The following EHBP1 variants were observed in gnomAD, a reference collection of about 807,000 sequenced individuals.
EHBP1 encodes the protein EH domain-binding protein 1.
In EHBP1, 55 loss-of-function variants were observed where a neutral mutation model predicts 144.0. The ratio of observed to expected loss-of-function variants is 0.38; its 90% confidence interval spans 0.31 to 0.48. The LOEUF is 0.48. Among genes scored for constraint, EHBP1 ranks in the 20% least tolerant of loss-of-function variants. EHBP1 has a pLI of 0.98. For missense variants in EHBP1, 1,200 were observed against 1,364.2 expected, an observed-to-expected ratio of 0.88 and a Z score of 1.90; for synonymous variants, 469 against 472.7, an observed-to-expected ratio of 0.99 and a Z score of 0.10.
chr2:62,894,994 T>A (rs539304896), intron 10 of EHBP1, among the ~76,000 whole-genome samples: 2 of 151,478 alleles, frequency 1.3e-5, no homozygotes, highest in East Asian at 3.9e-4. Flanking sequence ...AGGGCTGCAG[T>A]ACCTGATACA....
intron 19 of EHBP1, among the ~76,000 whole-genome samples, chr2:63,009,186 C>G (rs17598731): frequency 0.016 from 2,454 of 151,670 alleles, 34 homozygotes; most frequent in Non-Finnish European, 0.026. Context: ...CCCTAAAATG[C>G]ATGTTTATTT....
intron 14 of EHBP1, among the ~76,000 whole-genome samples, chr2:62,960,208 C>T (rs185655628): frequency 6.6e-6 from 1 of 152,152 alleles, no homozygotes; most frequent in East Asian, 1.9e-4. Context: ...TTCCCAACTA[C>T]TCAGCATGGC....
At chr2:62,803,026 T>C (rs552478357) in intron 5 of EHBP1, among the ~76,000 whole-genome samples, 2 of 152,328 alleles carry the variant, frequency 1.3e-5, no homozygotes, top group South Asian at 2.1e-4. Context: ...TGCCCAGCTA[T>C]AGAGATCATA....
intron 10 of EHBP1, among the ~76,000 whole-genome samples, chr2:62,922,065 C>T (rs2055135201): frequency 6.6e-6 from 1 of 152,134 alleles, no homozygotes; most frequent in African/African-American, 2.4e-5. Flanking sequence ...ATCCCAGCTA[C>T]TCAGGAGGCT....
intron 9 of EHBP1, among the ~76,000 whole-genome samples, chr2:62,868,653 A>T (rs1375947680): frequency 1.2e-5 from 1 of 82,190 alleles, no homozygotes; most frequent in Non-Finnish European, 2.7e-5. Flanking sequence ...TAACTCAGTA[A>T]TAAGAAAGGG....
intron 5 of EHBP1, among the ~76,000 whole-genome samples, chr2:62,800,965 T>C (rs775167060): frequency 6.6e-6 from 1 of 152,224 alleles, no homozygotes; most frequent in African/African-American, 2.4e-5. Flanking sequence ...AACCAATGAC[T>C]AGTTAGTTAC....
upstream of EHBP1, among the ~76,000 whole-genome samples, chr2:62,704,874 G>A (rs1403094053): frequency 6.6e-6 from 1 of 152,146 alleles, no homozygotes; most frequent in Non-Finnish European, 1.5e-5. Flanking sequence ...CCCTCACTCT[G>A]CCTCCTCCTT....
chr2:62,979,355 A>G lies in EHBP1; in HGVS notation c.2608+20A>G, dbSNP rs76760086. Reference sequence around the variant, plus strand: ...CTGGAGGTGAGTTAAAGAATCTTCTATCATTCTACAGACAACCCAGAAATC... The same window carrying G: ...CTGGAGGTGAGTTAAAGAATCTTCTGTCATTCTACAGACAACCCAGAAATC... On this transcript the variant is annotated intron_variant, in intron 15 of 22. Transcript: ENST00000431489. 6.0e-3 allele frequency: 9,674 copies of G among 1,611,468 alleles called. 438 individuals are homozygous for G. The African/African-American group carries it at 0.11, about 18-fold the overall frequency.
At chr2:63,017,478 T>C (rs558975849) in intron 19 of EHBP1, among the ~76,000 whole-genome samples, 54 of 152,330 alleles carry the variant, frequency 3.5e-4, no homozygotes, top group African/African-American at 1.2e-3. Context: ...CTAAGAGAAA[T>C]GTGAGAATTA....
chr2:62,838,631 A>G (rs2047511539), intron 7 of EHBP1, among the ~76,000 whole-genome samples: 1 of 151,016 alleles, frequency 6.6e-6, no homozygotes, highest in African/African-American at 2.4e-5. Flanking sequence ...AGAATCAAAT[A>G]GACACAATAA....
intron 19 of EHBP1, 81 bp downstream of exon 19, chr2:62,996,847 C>G (rs1171659852): frequency 4.5e-6 from 7 of 1,554,824 alleles, no homozygotes; most frequent in Non-Finnish European, 6.1e-6. Context: ...AAGTGTGAAT[C>G]TTTGAAGCCT....
intron 10 of EHBP1, among the ~76,000 whole-genome samples, chr2:62,877,453 C>T (rs1459072644): frequency 6.6e-6 from 1 of 152,130 alleles, no homozygotes; most frequent in African/African-American, 2.4e-5. Context: ...AGGCAGAAAA[C>T]TAATAAAGAT....
chr2:62,956,155 C>T (rs956291836), intron 14 of EHBP1: 2 of 152,224 alleles, frequency 1.3e-5, no homozygotes, highest in African/African-American at 2.4e-5. Flanking sequence ...AGGATTTGAA[C>T]CTGAGCCTTA....
chr2:63,004,739 T>G (rs1332127073), intron 19 of EHBP1, among the ~76,000 whole-genome samples: 1 of 152,112 alleles, frequency 6.6e-6, no homozygotes, highest in Admixed American at 6.6e-5. Flanking sequence ...TTCTTGACAT[T>G]TATTGTAATT....
chr2:62,925,013 G>GAC (rs1159551930), intron 10 of EHBP1, among the ~76,000 whole-genome samples: 1 of 152,162 alleles, frequency 6.6e-6, no homozygotes, highest in Non-Finnish European at 1.5e-5. Context: ...ACTCCACCAT[G>GAC]ACCAAGTGGA....
In EHBP1 at chr2:63,043,407, GTTAT is replaced by G. The variant is rs556656570; in HGVS notation, c.3278-1655_3278-1652del. ...TAAAATAAAAATGTAATAGTGATCA[GTTAT>G]TTAAAGTATTTGTGTGGTTTTATAT... is the stretch of plus-strand genomic sequence containing the variant. On this transcript the variant is annotated intron_variant, in intron 21 of 22. Coordinates refer to ENST00000431489, the MANE Select transcript of EHBP1 (RefSeq NM_001142616.3). 6.7e-3 allele frequency among the ~76,000 whole-genome samples: 1,019 copies of G among 152,186 alleles called. 3 individuals carry two copies. The highest frequency in any genetic ancestry group is 0.011 in the Non-Finnish European group (763 of 67,994).
At chr2:62,885,667 G>T (rs2051863993) in intron 10 of EHBP1, among the ~76,000 whole-genome samples, 1 of 152,052 alleles carries the variant, frequency 6.6e-6, no homozygotes, top group African/African-American at 2.4e-5. Flanking sequence ...ATATGACCTA[G>T]TTCCATAAAA....
At chr2:62,848,753 T>C (rs911691415) in intron 7 of EHBP1, among the ~76,000 whole-genome samples, 2 of 152,240 alleles carry the variant, frequency 1.3e-5, no homozygotes, top group Non-Finnish European at 2.9e-5. Flanking sequence ...AAAATAGTTA[T>C]AGCCTGTGGG....
chr2:62,951,668 G>T (rs2057400631), intron 13 of EHBP1, among the ~76,000 whole-genome samples: 1 of 151,698 alleles, frequency 6.6e-6, no homozygotes. Context: ...GAGACTACAG[G>T]TGTGTACCAC....
Sources: allele counts gnomAD v4.1 joint callset (sites outside exome capture counted in the v4.1 genomes callset), GRCh38; gene constraint gnomAD v4.1.1; transcripts MANE v1.5; gene names NCBI Gene and HGNC (gene_info 2026-07-23, HGNC 2026-07-21).